PMFBP1: variants seen among roughly 807,000 people sequenced by gnomAD.
PMFBP1 encodes the protein polyamine modulated factor 1 binding protein 1.
In PMFBP1, 131 loss-of-function variants were observed where a neutral mutation model predicts 137.8. The ratio of observed to expected loss-of-function variants is 0.95; its 90% confidence interval spans 0.82 to 1.10. The LOEUF (loss-of-function observed/expected upper bound fraction) is 1.10, where lower values mean the gene tolerates loss of function less well. PMFBP1 is among the 50% of genes least tolerant of loss of function. The pLI is 0.00. For synonymous variants in PMFBP1, 490 were observed against 450.4 expected, an observed-to-expected ratio of 1.09 and a Z score of -1.11; for missense variants, 1,199 against 1,175.4, an observed-to-expected ratio of 1.02 and a Z score of -0.29.
chr16:72,125,240 C>T lies in PMFBP1; in HGVS notation c.2419G>A (p.Glu807Lys). Residue 807 changes from glutamate (E) to lysine (K), a missense_variant and splice_region_variant, in exon 16 of 21, where the codon GAG becomes AAG. By Grantham distance (56) the Glu-to-Lys change is moderately conservative (BLOSUM62 1). Transcript: ENST00000237353. ...CCAAGCCCCTGGCAGCTCCTCACCT[C>T]CAGCTCACTCTCCTGGTGGAAGCCC... The part of the protein sequence containing the change: ...LRGFHQESEL[E>K]VHAFDKKLEE... 6.2e-7 allele frequency: 1 copy of T among 1,612,892 alleles called. No homozygotes were observed. Among genetic ancestry groups the T allele is most frequent in the Non-Finnish European group, 8.5e-7 (1 of 1,179,632 alleles).
the PMFBP1 span, among the ~76,000 whole-genome samples, chr16:72,218,703 T>C: frequency 6.6e-6 from 1 of 152,316 alleles, no homozygotes; most frequent in Non-Finnish European, 1.5e-5. Context: ...GGTAACAGCT[T>C]TGAAGGACAC....
At chr16:72,139,512 C>CA (rs1298393334) in intron 6 of PMFBP1, 113 bp from the exon 7 acceptor site, 2 of 853,364 alleles carry the variant, frequency 2.3e-6, no homozygotes, top group Non-Finnish European at 3.8e-6. Context: ...CAGAATTATA[C>CA]AATTCATCAG....
Position 72,125,245 on chromosome 16 carries a change from T to C in PMFBP1, c.2414A>G (p.Glu805Gly). Residue 805 changes from glutamate to glycine, a missense_variant, in exon 16 of 21, where the codon GAG becomes GGG. Transcript: ENST00000237353. ...RKLRGFHQES[E>G]LEVHAFDKKL... ...CCCCTGGCAGCTCCTCACCTCCAGC[T>C]CACTCTCCTGGTGGAAGCCCCGCAG... is the stretch of plus-strand genomic sequence containing the variant. The C allele has an allele frequency of 6.2e-7, 1 of 1,613,150 alleles. No individual in the cohort carries two copies.
chr16:72,155,911 A>C (rs1046215650), intron 3 of PMFBP1, among the ~76,000 whole-genome samples: 11 of 151,876 alleles, frequency 7.2e-5, no homozygotes, highest in Non-Finnish European at 1.5e-4. Flanking sequence ...GCCTCTATGG[A>C]TTTTCTGCCT....
chr16:72,157,171 G>A (rs1214110603), intron 3 of PMFBP1, among the ~76,000 whole-genome samples: 2 of 118,790 alleles, frequency 1.7e-5, no homozygotes, highest in African/African-American at 6.7e-5. Context: ...GCAACAGAGC[G>A]AGACTCCATC....
chr16:72,132,798 T>TGGACCTCAGCCTGCAG lies in PMFBP1; in HGVS notation c.1381_1396dup (p.Gln466ProfsTer4). 1 of 1,614,208 alleles carries TGGACCTCAGCCTGCAG rather than the reference T, an allele frequency of 6.2e-7. No individual in the cohort carries two copies. Among genetic ancestry groups the TGGACCTCAGCCTGCAG allele is most frequent in the South Asian group, 1.1e-5 (1 of 91,084 alleles). On this transcript the variant is annotated stop_gained and frameshift_variant, in exon 10 of 21. Coordinates refer to ENST00000237353, the MANE Select transcript of PMFBP1 (RefSeq NM_031293.3). LOFTEE classifies it high-confidence loss of function. Reference sequence around the variant, plus strand: ...CTCTTCGAGACTGTTCTTCAGCTTCTGGACCTCAGCCTGCAGGGCCTTGCA... The same window carrying TGGACCTCAGCCTGCAG: ...CTCTTCGAGACTGTTCTTCAGCTTCTGGACCTCAGCCTGCAGGGACCTCAGCCTGCAGGGCCTTGCA...
downstream of PMFBP1, among the ~76,000 whole-genome samples, chr16:72,117,893 C>G (rs1457807317): frequency 1.3e-5 from 2 of 152,236 alleles, no homozygotes; most frequent in Non-Finnish European, 2.9e-5. Context: ...CCCCTGTACT[C>G]AGCCAGGTCT....
chr16:72,123,125 G>C lies in PMFBP1; in HGVS notation c.2694-137C>G, dbSNP rs542794688. The C allele has an allele frequency of 3.1e-4, 228 of 732,928 alleles. No homozygotes were observed. The African/African-American group carries it at 3.5e-3, about 11-fold the overall frequency. 45.4% of individuals were successfully genotyped at this position (732,928 alleles called of 1,614,324 possible). On this transcript the variant is annotated intron_variant, in intron 18 of 20. Coordinates refer to ENST00000237353, the MANE Select transcript of PMFBP1 (RefSeq NM_031293.3). ...ACGTCCCCCACGCATCACCCCGTCC[G>C]CAGAGCTAAGGCCTTCCTAGCACCT...
intron 5 of PMFBP1, among the ~76,000 whole-genome samples, chr16:72,145,461 A>G (rs908967953): frequency 3.3e-5 from 5 of 152,206 alleles, no homozygotes; most frequent in African/African-American, 9.6e-5. Context: ...TAACATCACA[A>G]TTAAAAGAAC....
chr16:72,144,365 GGATC>G (rs374712583), intron 5 of PMFBP1, among the ~76,000 whole-genome samples: 17 of 152,180 alleles, frequency 1.1e-4, no homozygotes, highest in African/African-American at 4.1e-4. Flanking sequence ...TGTCCTAACA[GGATC>G]TATTAAAACA....
At chr16:72,185,376 G>C in the PMFBP1 span, among the ~76,000 whole-genome samples, 1 of 151,944 alleles carries the variant, frequency 6.6e-6, no homozygotes, top group Admixed American at 6.6e-5. Context: ...TTTCCCGCCA[G>C]AGCTCTACTG....
chr16:72,203,933 C>T, the PMFBP1 span, among the ~76,000 whole-genome samples: 1 of 152,196 alleles, frequency 6.6e-6, no homozygotes, highest in Admixed American at 6.5e-5. Context: ...GGGGTCCTAC[C>T]TCAGCCTCAG....
At chr16:72,131,756 A>G (rs527472164) in intron 10 of PMFBP1, among the ~76,000 whole-genome samples, 2 of 152,338 alleles carry the variant, frequency 1.3e-5, no homozygotes, top group African/African-American at 4.8e-5. Flanking sequence ...GCATCAAGGA[A>G]CACAGCATTA....
chr16:72,141,141 T>C (rs1249820964), intron 5 of PMFBP1, among the ~76,000 whole-genome samples: 1 of 152,076 alleles, frequency 6.6e-6, no homozygotes, highest in Non-Finnish European at 1.5e-5. Flanking sequence ...TTCGCCACAT[T>C]GGCCAGGCAG....
At chr16:72,188,894 T>C in the PMFBP1 span, among the ~76,000 whole-genome samples, 1 of 152,172 alleles carries the variant, frequency 6.6e-6, no homozygotes, top group African/African-American at 2.4e-5. Context: ...TGCAGAGACC[T>C]GCCTTGTGCC....
chr16:72,217,638 T>C, the PMFBP1 span, among the ~76,000 whole-genome samples: 1 of 152,122 alleles, frequency 6.6e-6, no homozygotes, highest in African/African-American at 2.4e-5. Flanking sequence ...GATCACCTGA[T>C]ATCAAGAGTT....
At chr16:72,239,885 C>CAAA in the PMFBP1 span, among the ~76,000 whole-genome samples, 66 of 21,246 alleles carry the variant, frequency 3.1e-3, no homozygotes, top group Middle Eastern at 0.023. Context: ...ACTCCATGTA[C>CAAA]AAAAAAAAAA....
intron 5 of PMFBP1, among the ~76,000 whole-genome samples, chr16:72,141,473 T>G (rs1458240552): frequency 6.6e-6 from 1 of 152,222 alleles, no homozygotes; most frequent in East Asian, 1.9e-4. Context: ...TTTCCAGAGA[T>G]GACAGTCTGT....
At chr16:72,152,755 G>A (rs1312564737) in intron 4 of PMFBP1, among the ~76,000 whole-genome samples, 1 of 149,756 alleles carries the variant, frequency 6.7e-6, no homozygotes, top group Non-Finnish European at 1.5e-5. Flanking sequence ...TGTGGCAGGA[G>A]AGTCACTTGA....
Sources: allele counts gnomAD v4.1 joint callset (sites outside exome capture counted in the v4.1 genomes callset), GRCh38; gene constraint gnomAD v4.1.1; transcripts MANE v1.5; gene names NCBI Gene and HGNC (gene_info 2026-07-23, HGNC 2026-07-21).